The following FLRT2 variants were observed in gnomAD, a reference collection of about 807,000 sequenced individuals.
The protein encoded by FLRT2 is leucine-rich repeat transmembrane protein FLRT2.
In FLRT2, 15 loss-of-function variants were observed where a neutral mutation model predicts 40.0. The observed-to-expected ratio is 0.38, with a 90% confidence interval of 0.25 to 0.58. The LOEUF is 0.58. FLRT2 is among the 20% of genes least tolerant of loss of function. The pLI is 0.71. For missense variants in FLRT2, 726 were observed against 840.0 expected, an observed-to-expected ratio of 0.86 and a Z score of 1.68; for synonymous variants, 380 against 336.8, an observed-to-expected ratio of 1.13 and a Z score of -1.41.
At chr14:85,544,285 T>G (rs2139814413) in intron 1 of FLRT2, among the ~76,000 whole-genome samples, 1 of 152,312 alleles carries the variant, frequency 6.6e-6, no homozygotes, top group Non-Finnish European at 1.5e-5. Flanking sequence ...GATAGGTCTG[T>G]TTAAAGAATA....
At chr14:85,538,345 A>T (rs183273720) in intron 1 of FLRT2, among the ~76,000 whole-genome samples, 1 of 152,154 alleles carries the variant, frequency 6.6e-6, no homozygotes, top group Non-Finnish European at 1.5e-5. Flanking sequence ...CTTACTAAGG[A>T]CATACTTTTT....
chr14:85,596,223 T>C (rs1892132661), intron 1 of FLRT2, among the ~76,000 whole-genome samples: 1 of 152,216 alleles, frequency 6.6e-6, no homozygotes, highest in African/African-American at 2.4e-5. Flanking sequence ...TTTTCACACG[T>C]TATCTTCTCT....
At chr14:85,578,134 A>G (rs1030425975) in intron 1 of FLRT2, among the ~76,000 whole-genome samples, 30 of 146,038 alleles carry the variant, frequency 2.1e-4, no homozygotes, top group African/African-American at 7.4e-4. Context: ...ATATCTGTAT[A>G]TATATATTTA....
rs978959926 is a variant in FLRT2 at position 85,632,436 on chromosome 14, C to T, written c.*8939C>T. ...GCAGTGAGCCAAGATCATGCCATTG[C>T]ACTCCAGCCTGGTGACAGAGTGAGA... On this transcript the variant is annotated 3_prime_UTR_variant, in exon 2 of 2. Coordinates refer to ENST00000330753, the MANE Select transcript of FLRT2 (RefSeq NM_013231.6). The T allele has an allele frequency of 6.9e-6, 1 of 144,626 alleles. No individual in the cohort carries two copies. The highest frequency in any genetic ancestry group is 2.6e-5 in the African/African-American group (1 of 38,506). 9.0% of individuals were successfully genotyped at this position (144,626 alleles called of 1,614,324 possible).
rs1595107367 is a variant in FLRT2 at position 85,633,064 on chromosome 14, T to C, written c.*9567T>C. The C allele has an allele frequency of 6.6e-6, 1 of 152,162 alleles. No individual in the cohort carries two copies. The highest frequency in any genetic ancestry group is 1.5e-5 in the Non-Finnish European group (1 of 68,038). 9.4% of individuals were successfully genotyped at this position (152,162 alleles called of 1,614,324 possible). ...TAATTCACAAGCACATGGTGACAAA[T>C]TGCCAGCTTTTTATGATGAAAATCA... is the stretch of plus-strand genomic sequence containing the variant. On this transcript the variant is annotated 3_prime_UTR_variant, in exon 2 of 2. Coordinates refer to ENST00000330753, the MANE Select transcript of FLRT2 (RefSeq NM_013231.6).
intron 1 of FLRT2, among the ~76,000 whole-genome samples, chr14:85,554,531 TC>T (rs1325861303): frequency 1.3e-5 from 2 of 152,330 alleles, no homozygotes; most frequent in African/African-American, 4.8e-5. Context: ...TCTAGTCTTT[TC>T]CTGAATCGAA....
intron 1 of FLRT2, among the ~76,000 whole-genome samples, chr14:85,570,854 G>A (rs1374022134): frequency 6.6e-6 from 1 of 151,738 alleles, no homozygotes; most frequent in African/African-American, 2.4e-5. Context: ...CAAGGTGCTG[G>A]GATTACAGGC....
chr14:85,586,776 T>C (rs1051967135), intron 1 of FLRT2, among the ~76,000 whole-genome samples: 8 of 152,202 alleles, frequency 5.3e-5, no homozygotes, highest in Non-Finnish European at 2.9e-5. Flanking sequence ...TTTTAGCAAC[T>C]GAAATTTTAA....
intron 1 of FLRT2, among the ~76,000 whole-genome samples, chr14:85,578,850 T>C (rs1359771844): frequency 1.3e-5 from 2 of 152,132 alleles, no homozygotes; most frequent in Admixed American, 6.5e-5. Context: ...CTGAGTCTCA[T>C]TGAGACCTGG....
intron 1 of FLRT2, among the ~76,000 whole-genome samples, chr14:85,533,452 C>T (rs937795975): frequency 1.1e-4 from 17 of 152,154 alleles, no homozygotes; most frequent in Middle Eastern, 3.4e-3. Flanking sequence ...CGGCTCCGAG[C>T]TGTCCGCACA....
rs142293450 is a variant in FLRT2, at chr14:85,573,158, G to T, written c.-377+42624G>T. On this transcript the variant is annotated intron_variant, in intron 1 of 1. Coordinates refer to ENST00000330753, the MANE Select transcript of FLRT2 (RefSeq NM_013231.6). ...AGGAAAGTTCCTATCAATGTAAATA[G>T]AGGGATGGGTGGCAAGTTATTTTAA... 7.0e-3 allele frequency among the ~76,000 whole-genome samples: 1,069 copies of T among 152,138 alleles called. 4 individuals carry two copies. The highest frequency in any genetic ancestry group is 0.014 in the South Asian group (69 of 4,808).
Position 85,638,540 on chromosome 14 carries a change from T to G in FLRT2, c.*15043T>G, listed in dbSNP as rs1894065906. ...CTGCAAAAACCCTCCCAAGTAAGCCTCTTGTATGCTACTCTGTCTCAGAGT... is the reference window on the plus strand; with the variant it reads ...CTGCAAAAACCCTCCCAAGTAAGCCGCTTGTATGCTACTCTGTCTCAGAGT... On this transcript the variant is annotated 3_prime_UTR_variant, in exon 2 of 2. Transcript: ENST00000330753. 6.6e-6 allele frequency: 1 copy of G among 152,170 alleles called. No homozygotes were observed. The highest frequency in any genetic ancestry group is 1.5e-5 in the Non-Finnish European group (1 of 68,070). The allele number at this position is 152,170 out of a possible 1,614,324, so 9.4% of individuals were successfully genotyped here.
At chr14:85,538,433 G>T (rs1220701051) in intron 1 of FLRT2, among the ~76,000 whole-genome samples, 3 of 152,134 alleles carry the variant, frequency 2.0e-5, no homozygotes, top group African/African-American at 7.2e-5. Context: ...CTAACCATTA[G>T]ATGCTCATTA....
intron 1 of FLRT2, among the ~76,000 whole-genome samples, chr14:85,557,984 T>C (rs1037477338): frequency 6.6e-6 from 1 of 152,148 alleles, no homozygotes; most frequent in African/African-American, 2.4e-5. Flanking sequence ...AATGTAGACT[T>C]CTGTGGAAAG....
At chr14:85,611,044 T>C in intron 1 of FLRT2, among the ~76,000 whole-genome samples, 1 of 152,110 alleles carries the variant, frequency 6.6e-6, no homozygotes, top group Non-Finnish European at 1.5e-5. Flanking sequence ...TACAGGCACC[T>C]GGCACCACAC....
chr14:85,533,623 G>A (rs1220360860), intron 1 of FLRT2, among the ~76,000 whole-genome samples: 1 of 152,174 alleles, frequency 6.6e-6, no homozygotes, highest in African/African-American at 2.4e-5. Flanking sequence ...GGGAGGCGGA[G>A]GAGGAGAGAA....
Position 85,645,648 on chromosome 14 carries a change from T to C in FLRT2, c.*22151T>C, listed in dbSNP as rs1486627253. On this transcript the variant is annotated 3_prime_UTR_variant, in exon 2 of 2. Coordinates refer to ENST00000330753, the MANE Select transcript of FLRT2 (RefSeq NM_013231.6). ...CCTATGAGAATATTCATGCCACATG[T>C]TATTTCTTTTCAGAAGATCTTCCTA... The C allele has an allele frequency of 6.6e-6, 1 of 152,180 alleles. No homozygotes were observed. The highest frequency in any genetic ancestry group is 1.5e-5 in the Non-Finnish European group (1 of 68,022). The allele number at this position is 152,180 out of a possible 1,614,324, so 9.4% of individuals were successfully genotyped here.
chr14:85,554,236 A>C (rs1327466340), intron 1 of FLRT2, among the ~76,000 whole-genome samples: 1 of 152,238 alleles, frequency 6.6e-6, no homozygotes, highest in African/African-American at 2.4e-5. Flanking sequence ...GAAAGTTCAA[A>C]GTGCTAGTTT....
At chr14:85,532,144 G>C (rs1487825603) in intron 1 of FLRT2, among the ~76,000 whole-genome samples, 1 of 152,258 alleles carries the variant, frequency 6.6e-6, no homozygotes, top group South Asian at 2.1e-4. Context: ...TCCTCAGCCT[G>C]TGGCGGCCAC....
Sources: allele counts gnomAD v4.1 joint callset (sites outside exome capture counted in the v4.1 genomes callset), GRCh38; gene constraint gnomAD v4.1.1; transcripts MANE v1.5; gene names NCBI Gene and HGNC (gene_info 2026-07-23, HGNC 2026-07-21).